Variants in COL25A1 observed in about 807,000 individuals in gnomAD.
COL25A1 encodes the protein collagen type XXV alpha 1 chain.
In COL25A1, 103 loss-of-function variants were observed where a neutral mutation model predicts 128.4. That is an observed-to-expected ratio of 0.80 (90% CI 0.68 to 0.94). COL25A1 has a LOEUF of 0.94. Ranked by LOEUF, COL25A1 falls within the 40% of genes least tolerant of loss-of-function variation. The pLI is 0.00. For synonymous variants in COL25A1, 279 were observed against 277.2 expected (o/e 1.01, Z -0.06); for missense variants, 745 against 840.0 (o/e 0.89, Z 1.40).
At chr4:109,211,222 T>TTGTGTG (rs374984379) in intron 3 of COL25A1, among the ~76,000 whole-genome samples, 1 of 141,338 alleles carries the variant, frequency 7.1e-6, no homozygotes, top group African/African-American at 2.5e-5. Flanking sequence ...TATATATATA[T>TTGTGTG]TGTGTGTGTG....
At chr4:108,933,140 T>C (rs927049145) in intron 11 of COL25A1, among the ~76,000 whole-genome samples, 3 of 152,214 alleles carry the variant, frequency 2.0e-5, no homozygotes, top group Non-Finnish European at 2.9e-5. Context: ...ATAAACTATA[T>C]ATCTTAGATT....
At chr4:108,967,310 A>C (rs1283043796) in intron 8 of COL25A1, among the ~76,000 whole-genome samples, 1 of 152,196 alleles carries the variant, frequency 6.6e-6, no homozygotes, top group African/African-American at 2.4e-5. Flanking sequence ...TTTCACATTA[A>C]TGTTGATGAC....
At chr4:108,960,798 T>C (rs1383986315) in intron 8 of COL25A1, among the ~76,000 whole-genome samples, 1 of 152,136 alleles carries the variant, frequency 6.6e-6, no homozygotes, top group Non-Finnish European at 1.5e-5. Flanking sequence ...TTCAAGATTA[T>C]CTTGAAAACG....
intron 3 of COL25A1, among the ~76,000 whole-genome samples, chr4:109,228,715 C>G (rs1349792147): frequency 6.6e-6 from 1 of 152,114 alleles, no homozygotes; most frequent in East Asian, 1.9e-4. Context: ...GCTTTTCCTA[C>G]AATATGAAAA....
chr4:108,979,017 A>G (rs576105948), intron 6 of COL25A1, among the ~76,000 whole-genome samples: 4 of 152,318 alleles, frequency 2.6e-5, no homozygotes, highest in East Asian at 1.9e-4. Context: ...GGGTGCTAAT[A>G]AAGTTTTTAT....
intron 3 of COL25A1, among the ~76,000 whole-genome samples, chr4:109,291,259 C>T (rs6826207): frequency 0.27 from 40,304 of 151,956 alleles, 8,831 homozygotes; most frequent in African/African-American, 0.6. Flanking sequence ...TATTACAGTA[C>T]GATTGCAGCC....
At chr4:109,050,886 T>G (rs1159741217) in intron 3 of COL25A1, among the ~76,000 whole-genome samples, 1 of 152,108 alleles carries the variant, frequency 6.6e-6, no homozygotes, top group Non-Finnish European at 1.5e-5. Context: ...AAACTTGTTT[T>G]TTTTTTTTTG....
At chr4:109,122,512 A>C (rs147801686) in intron 3 of COL25A1, among the ~76,000 whole-genome samples, 3,582 of 152,154 alleles carry the variant, frequency 0.024, 100 homozygotes, top group South Asian at 0.12. Context: ...ATTTGGCAGC[A>C]AAAGTAGATA....
Position 108,821,800 on chromosome 4 carries a change from A to G in COL25A1, c.1845+2374T>C, listed in dbSNP as rs528656077. Among the ~76,000 whole-genome samples, 3 of 152,276 alleles carry G rather than the reference A, an allele frequency of 2.0e-5. No homozygotes were observed. The East Asian group carries it at 5.8e-4, about 29-fold the overall frequency. ...AATACAAAACCATGTCATTGTGGGT[A>G]TGAGTACATGAGAGCTCTTGATAAC... On this transcript the variant is annotated intron_variant, in intron 35 of 37. Coordinates refer to ENST00000399132, the MANE Select transcript of COL25A1 (RefSeq NM_198721.4).
intron 3 of COL25A1, among the ~76,000 whole-genome samples, chr4:109,288,772 A>G (rs1560985878): frequency 6.6e-6 from 1 of 152,120 alleles, no homozygotes; most frequent in African/African-American, 2.4e-5. Flanking sequence ...ATGCAAGCAT[A>G]GCAATTAGCA....
chr4:109,185,137 C>T (rs1166250690), intron 3 of COL25A1, among the ~76,000 whole-genome samples: 3 of 152,090 alleles, frequency 2.0e-5, no homozygotes, highest in Non-Finnish European at 4.4e-5. Context: ...TTTGCTTTTT[C>T]CCTAATTATG....
chr4:109,060,434 G>A (rs1284408445), intron 3 of COL25A1, among the ~76,000 whole-genome samples: 1 of 152,018 alleles, frequency 6.6e-6, no homozygotes, highest in African/African-American at 2.4e-5. Flanking sequence ...GACCCTAACA[G>A]TATCACATAG....
At chr4:108,871,991 G>C (rs1356714625) in intron 19 of COL25A1, among the ~76,000 whole-genome samples, 1 of 152,200 alleles carries the variant, frequency 6.6e-6, no homozygotes, top group Non-Finnish European at 1.5e-5. Flanking sequence ...GGTTCTCAAA[G>C]TGTGCTCTGG....
chr4:109,008,450 A>G (rs1480199023), intron 6 of COL25A1, among the ~76,000 whole-genome samples: 1 of 152,152 alleles, frequency 6.6e-6, no homozygotes, highest in African/African-American at 2.4e-5. Flanking sequence ...GCTTTCTAGG[A>G]TCATCTCTCA....
intron 3 of COL25A1, among the ~76,000 whole-genome samples, chr4:109,239,887 T>C (rs1240914334): frequency 1.3e-5 from 2 of 152,102 alleles, no homozygotes; most frequent in Non-Finnish European, 2.9e-5. Flanking sequence ...TTTTTGGTTT[T>C]ACTTTTTAAA....
rs181846506 is a variant in COL25A1, at chr4:109,108,695, C to T, written c.368-58516G>A. On this transcript the variant is annotated intron_variant, in intron 3 of 37. Transcript: ENST00000399132. The stretch of plus-strand genomic sequence containing the variant: ...GTTACCTTATTAATAACTCCTCTCT[C>T]TTTCTCCAATCCTTCATTAAGGTGA... 4.2e-3 allele frequency among the ~76,000 whole-genome samples: 642 copies of T among 152,182 alleles called. 4 individuals carry two copies. The highest frequency in any genetic ancestry group is 5.1e-3 in the Non-Finnish European group (348 of 68,024).
At chr4:109,086,503 G>A (rs1418524409) in intron 3 of COL25A1, among the ~76,000 whole-genome samples, 1 of 152,142 alleles carries the variant, frequency 6.6e-6, no homozygotes, top group Non-Finnish European at 1.5e-5. Flanking sequence ...TATGTTTTGT[G>A]ACGAGATCTT....
At chr4:108,920,042 A>T (rs1198910210) in intron 12 of COL25A1, among the ~76,000 whole-genome samples, 1 of 152,182 alleles carries the variant, frequency 6.6e-6, no homozygotes, top group Non-Finnish European at 1.5e-5. Flanking sequence ...GATTACAGGC[A>T]TGAGCCACTG....
At chr4:109,212,947 T>C (rs971248535) in intron 3 of COL25A1, among the ~76,000 whole-genome samples, 2 of 152,098 alleles carry the variant, frequency 1.3e-5, no homozygotes, top group African/African-American at 2.4e-5. Context: ...TCACCACATA[T>C]ATAGGAGAAA....
Sources: allele counts gnomAD v4.1 joint callset (sites outside exome capture counted in the v4.1 genomes callset), GRCh38; gene constraint gnomAD v4.1.1; transcripts MANE v1.5; gene names NCBI Gene and HGNC (gene_info 2026-07-23, HGNC 2026-07-21).